GMPS: variants seen among roughly 807,000 people sequenced by gnomAD.
The protein encoded by GMPS is guanosine monophosphate synthase, also known as GMP synthase [glutamine-hydrolyzing].
A neutral mutation model predicts 77.9 loss-of-function variants in GMPS; 15 were observed. The ratio of observed to expected loss-of-function variants is 0.19; its 90% CI spans 0.13 to 0.30. The LOEUF (loss-of-function observed/expected upper bound fraction) is 0.30, where lower values mean the gene tolerates loss of function less well. GMPS is among the 10% of genes least tolerant of loss of function. The pLI is 1.00. For synonymous variants in GMPS, 224 were observed against 275.9 expected, an observed-to-expected ratio of 0.81 and a Z score of 1.86; for missense variants, 590 against 838.8, an observed-to-expected ratio of 0.70 and a Z score of 3.66.
chr3:155,904,294 CTT>C (rs200187226), intron 4 of GMPS, among the ~76,000 whole-genome samples: 2 of 145,268 alleles, frequency 1.4e-5, no homozygotes, highest in Non-Finnish European at 1.5e-5. Context: ...TTTTCTTTTT[CTT>C]TTTTTTTTTT....
intron 12 of GMPS, among the ~76,000 whole-genome samples, chr3:155,928,287 A>G (rs1445170465): frequency 7.4e-6 from 1 of 135,850 alleles, no homozygotes; most frequent in African/African-American, 2.6e-5. Context: ...TCGGCCTCCC[A>G]AAAGTGCTAG....
In GMPS at chr3:155,911,205, A is replaced by T. The variant is rs1280971423; in HGVS notation, c.812A>T (p.Asp271Val). 2 of 1,613,088 alleles carry T rather than the reference A, an allele frequency of 1.2e-6. No homozygotes were observed. Among genetic ancestry groups the T allele is most frequent in the African/African-American group, 2.7e-5 (2 of 74,928 alleles). ...GAACAAGTCATTGCTGTGCACATTG[A>T]TAATGGCTTTATGAGAAAACGAGAA... is the stretch of plus-strand genomic sequence containing the variant. ...NQEQVIAVHI[D>V]NGFMRKRESQ... The change falls in exon 7 of 16, where the codon GAT (aspartate) becomes GTT (valine). Residue 271 changes from aspartate to valine, a missense_variant. Physicochemically the swap from Asp to Val is radical, Grantham distance 152. Around this residue, in one of 6 missense-constraint regions of GMPS, gnomAD observed 181 missense variants for 186.8 expected, o/e 0.97. Coordinates refer to ENST00000496455, the MANE Select transcript of GMPS (RefSeq NM_003875.3).
intron 11 of GMPS, among the ~76,000 whole-genome samples, chr3:155,924,814 A>G (rs1755408803): frequency 6.6e-6 from 1 of 152,166 alleles, no homozygotes; most frequent in Admixed American, 6.5e-5. Flanking sequence ...GGTATAGTCT[A>G]TTCACAACAG....
chr3:155,881,175 T>G (rs1033652189), intron 1 of GMPS, among the ~76,000 whole-genome samples: 5 of 144,942 alleles, frequency 3.4e-5, no homozygotes, highest in South Asian at 4.5e-4. Flanking sequence ...TTTTTTTTTT[T>G]TTTTTTTTTT....
At chr3:155,883,060 T>C (rs1047365116) in intron 1 of GMPS, among the ~76,000 whole-genome samples, 5 of 152,114 alleles carry the variant, frequency 3.3e-5, no homozygotes, top group African/African-American at 1.2e-4. Flanking sequence ...CTCTATTACT[T>C]GAAGTTTAAT....
intron 3 of GMPS, among the ~76,000 whole-genome samples, chr3:155,901,843 G>A (rs1754745100): frequency 1.3e-5 from 2 of 151,832 alleles, no homozygotes; most frequent in Non-Finnish European, 1.5e-5. Flanking sequence ...ATATATTCTG[G>A]ATACTAAACT....
intron 11 of GMPS, among the ~76,000 whole-genome samples, chr3:155,923,408 G>A (rs1214259101): frequency 6.6e-6 from 1 of 152,044 alleles, no homozygotes; most frequent in Non-Finnish European, 1.5e-5. Flanking sequence ...CTCCACACTG[G>A]TAAAAGACAT....
intron 1 of GMPS, among the ~76,000 whole-genome samples, chr3:155,891,199 A>G (rs201009334): frequency 6.6e-6 from 1 of 152,210 alleles, no homozygotes; most frequent in Non-Finnish European, 1.5e-5. Context: ...CTTGGTATAA[A>G]CCATGGTAAT....
Position 155,898,138 on chromosome 3 carries a change from A to G in GMPS, c.324+97A>G, listed in dbSNP as rs1049523488. On this transcript the variant is annotated intron_variant, in intron 3 of 15. Coordinates refer to ENST00000496455, the MANE Select transcript of GMPS (RefSeq NM_003875.3). ...TTTCTCTCTTTAGGATATTTAGGAT[A>G]CTTAGTTGGATGAGATAACTTGTGC... The G allele has an allele frequency of 1.3e-5, 10 of 740,794 alleles. No homozygotes were observed. The African/African-American group carries it at 1.7e-4, about 13-fold the overall frequency. 45.9% of individuals were successfully genotyped at this position (740,794 alleles called of 1,614,324 possible).
intron 3 of GMPS, among the ~76,000 whole-genome samples, chr3:155,898,328 G>A (rs992040834): frequency 2.0e-5 from 3 of 152,144 alleles, no homozygotes; most frequent in African/African-American, 7.2e-5. Context: ...AGTACATAGA[G>A]CTCCTGTATA....
chr3:155,899,424 CTTCT>C (rs1754679500), intron 3 of GMPS, among the ~76,000 whole-genome samples: 1 of 118,254 alleles, frequency 8.5e-6, no homozygotes, highest in Non-Finnish European at 1.8e-5. Context: ...ATAAGATACT[CTTCT>C]TTTCTTTTTT....
At chr3:155,914,651 A>G (rs1234177381) in intron 8 of GMPS, 81 bp downstream of exon 8, 24 of 845,656 alleles carry the variant, frequency 2.8e-5, no homozygotes, top group African/African-American at 5.2e-5. Flanking sequence ...CACTATATCA[A>G]ATAACCAAAT....
At chr3:155,899,093 C>T (rs1486237421) in intron 3 of GMPS, among the ~76,000 whole-genome samples, 6 of 151,424 alleles carry the variant, frequency 4.0e-5, no homozygotes, top group Admixed American at 2.6e-4. Context: ...TTTGGCCAGG[C>T]GCAGTGGCTC....
chr3:155,932,762 T>A (rs1755658775), intron 13 of GMPS, among the ~76,000 whole-genome samples: 1 of 152,236 alleles, frequency 6.6e-6, no homozygotes, highest in Non-Finnish European at 1.5e-5. Flanking sequence ...GTCTGTATAG[T>A]TCGAGATAAG....
At chr3:155,909,967 G>A (rs968369967) in intron 5 of GMPS, among the ~76,000 whole-genome samples, 14 of 151,686 alleles carry the variant, frequency 9.2e-5, no homozygotes, top group African/African-American at 2.7e-4. Flanking sequence ...AAAATAGGCC[G>A]GGCGCAGTGG....
Position 155,940,828 on chromosome 3 carries a change from T to TA in GMPS, c.*3137dup, listed in dbSNP as rs1755871295. The TA allele has an allele frequency of 4.5e-6, 1 of 220,358 alleles. No individual in the cohort carries two copies. The highest frequency in any genetic ancestry group is 1.8e-4 in the South Asian group (1 of 5,422). The allele number at this position is 220,358 out of a possible 1,614,324, so 13.7% of individuals were successfully genotyped here. On this transcript the variant is annotated 3_prime_UTR_variant, in exon 16 of 16. Coordinates refer to ENST00000496455, the MANE Select transcript of GMPS (RefSeq NM_003875.3). ...ATGCACCGTAAAGTTAAATCCTAGTTACCTTTTTTTGAAGCTGTTGGCAAG... is the reference window on the plus strand; with the variant it reads ...ATGCACCGTAAAGTTAAATCCTAGTTAACCTTTTTTTGAAGCTGTTGGCAAG...
intron 3 of GMPS, 69 bp from the exon 4 acceptor site, chr3:155,903,794 T>C: frequency 1.6e-6 from 1 of 622,366 alleles, no homozygotes. Flanking sequence ...TATAAATTAT[T>C]AAATCAGTAT....
At chr3:155,925,524 T>C (rs1755433105) in intron 12 of GMPS, among the ~76,000 whole-genome samples, 158 bp downstream of exon 12, 1 of 152,000 alleles carries the variant, frequency 6.6e-6, no homozygotes, top group Non-Finnish European at 1.5e-5. Context: ...TCTACTAATC[T>C]TGAAATAAGG....
intron 1 of GMPS, among the ~76,000 whole-genome samples, chr3:155,885,102 A>G (rs746867682): frequency 2.6e-5 from 4 of 152,250 alleles, no homozygotes; most frequent in Non-Finnish European, 4.4e-5. Flanking sequence ...TAGAAACTAA[A>G]TAGTCTTTAA....
Sources: allele counts gnomAD v4.1 joint callset (sites outside exome capture counted in the v4.1 genomes callset), GRCh38; gene constraint gnomAD v4.1.1; regional missense constraint gnomAD v4.1.1; transcripts MANE v1.5; gene names NCBI Gene and HGNC (gene_info 2026-07-23, HGNC 2026-07-21).